TDRD12: variants seen among roughly 807,000 people sequenced by gnomAD.
TDRD12 encodes the protein putative ATP-dependent RNA helicase TDRD12.
A neutral mutation model predicts 133.5 loss-of-function variants in TDRD12; 158 were observed. That is an observed-to-expected ratio of 1.18 (90% CI 1.04 to 1.35). TDRD12 has a LOEUF of 1.35. Among genes scored for constraint, TDRD12 ranks in the 40% most tolerant of loss-of-function variants. TDRD12 has a pLI of 0.00. For missense variants in TDRD12, 1,443 were observed against 1,321.3 expected (o/e 1.09, Z -1.43); for synonymous variants, 460 against 477.9 (o/e 0.96, Z 0.49).
chr19:32,775,322 C>T (rs1208710947), intron 10 of TDRD12, among the ~76,000 whole-genome samples: 1 of 152,098 alleles, frequency 6.6e-6, no homozygotes, highest in East Asian at 1.9e-4. Context: ...TGTGAGTATT[C>T]TATTTATTAT....
At chr19:32,751,383 T>A (rs1330259214) in intron 6 of TDRD12, among the ~76,000 whole-genome samples, 1 of 152,190 alleles carries the variant, frequency 6.6e-6, no homozygotes, top group African/African-American at 2.4e-5. Context: ...TGCCAGGTTT[T>A]TCCTGTACAG....
Position 32,720,162 on chromosome 19 carries a change from ACAGCC to A in TDRD12, c.24+67_24+71del, listed in dbSNP as rs1968581196. ...TCCCCCACCCCCACCCCAGCCGCGC[ACAGCC>A]TCCCACCCCCACCCCAGCTCCGCAC... is the stretch of plus-strand genomic sequence containing the variant. On this transcript the variant is annotated intron_variant, in intron 1 of 27. Coordinates refer to ENST00000444215, the Ensembl canonical transcript of TDRD12. 1.1e-5 allele frequency: 13 copies of A among 1,189,974 alleles called. No individual in the cohort carries two copies. The East Asian group carries it at 3.9e-4, about 35-fold the overall frequency. The allele number at this position is 1,189,974 out of a possible 1,614,324, so 73.7% of individuals were successfully genotyped here. A position where few individuals can be genotyped will look rare whatever the true frequency, so the allele number is the denominator to read the frequency against.
chr19:32,829,083 C>T (rs1490164072), exon 10 of TDRD12: 1 of 152,310 alleles, frequency 6.6e-6, no homozygotes, highest in Non-Finnish European at 1.5e-5. Context: ...CTGTGGAGCT[C>T]TTCTAACACC....
intron 6 of TDRD12, among the ~76,000 whole-genome samples, chr19:32,751,224 T>C (rs1969817823): frequency 6.6e-6 from 1 of 151,442 alleles, no homozygotes; most frequent in Non-Finnish European, 1.5e-5. Flanking sequence ...AGTTCCTGCA[T>C]TAGTTTGCTG....
chr19:32,742,972 A>G (rs1969479026), intron 4 of TDRD12, 72 bp downstream of exon 4: 10 of 1,526,718 alleles, frequency 6.5e-6, no homozygotes, highest in Non-Finnish European at 7.9e-6. Context: ...CTTTGTATGA[A>G]GTCAGTTCCT....
At chr19:32,789,095 G>A (rs955069801) in intron 11 of TDRD12, among the ~76,000 whole-genome samples, 5 of 150,824 alleles carry the variant, frequency 3.3e-5, no homozygotes, top group African/African-American at 1.2e-4. Flanking sequence ...GTGGAGTAGT[G>A]TAAGGTGATG....
intron 18 of TDRD12, among the ~76,000 whole-genome samples, chr19:32,801,263 A>G (rs1971381444): frequency 6.6e-6 from 1 of 152,198 alleles, no homozygotes; most frequent in African/African-American, 2.4e-5. Context: ...AAGATATCAT[A>G]TAGCCAAAAA....
chr19:32,777,118 A>AAT, intron 10 of TDRD12, 31 bp from the exon 11 acceptor site: 2 of 1,458,184 alleles, frequency 1.4e-6, no homozygotes, highest in Non-Finnish European at 1.9e-6. Flanking sequence ...CTGTTCACAA[A>AAT]TTTTAATGAA....
chr19:32,756,952 G>T, intron 7 of TDRD12, 86 bp from the exon 8 acceptor site: 1 of 1,182,074 alleles, frequency 8.5e-7, no homozygotes, highest in Non-Finnish European at 1.2e-6. Context: ...GCAAAAGCAA[G>T]AGCAGAAGTA....
chr19:32,742,003 A>G (rs1016967358), intron 3 of TDRD12, among the ~76,000 whole-genome samples: 1 of 152,234 alleles, frequency 6.6e-6, no homozygotes, highest in Non-Finnish European at 1.5e-5. Context: ...AAAGTTGGCA[A>G]ATACTAATTA....
At chr19:32,777,810 T>A (rs1259606698) in intron 11 of TDRD12, among the ~76,000 whole-genome samples, 1 of 44,606 alleles carries the variant, frequency 2.2e-5, no homozygotes, top group African/African-American at 9.7e-5. Context: ...ATAACTGATT[T>A]ACATATATAT....
At chr19:32,743,035 C>T in intron 4 of TDRD12, 135 bp downstream of exon 4, 2 of 1,096,464 alleles carry the variant, frequency 1.8e-6, no homozygotes, top group Non-Finnish European at 1.3e-6. Flanking sequence ...GCTTCTGAGT[C>T]AGTGTTTGTC....
chr19:32,755,173 G>A (rs915015704), intron 6 of TDRD12, among the ~76,000 whole-genome samples: 14 of 152,228 alleles, frequency 9.2e-5, no homozygotes, highest in African/African-American at 3.4e-4. Context: ...ACTCGTTGAT[G>A]GATATTTGGG....
At chr19:32,779,809 G>A (rs1023649882) in intron 11 of TDRD12, among the ~76,000 whole-genome samples, 2 of 152,076 alleles carry the variant, frequency 1.3e-5, no homozygotes, top group African/African-American at 2.4e-5. Context: ...TATGTGCTGC[G>A]GGGAGTACTT....
chr19:32,798,932 AC>A (rs1256303498), intron 16 of TDRD12, among the ~76,000 whole-genome samples: 1 of 152,210 alleles, frequency 6.6e-6, no homozygotes, highest in Non-Finnish European at 1.5e-5. Context: ...TTCCTGTTCC[AC>A]AGCCTGGTGG....
At chr19:32,810,381 T>G in intron 23 of TDRD12, 104 bp downstream of exon 23, 2 of 942,790 alleles carry the variant, frequency 2.1e-6, no homozygotes, top group Middle Eastern at 2.7e-4. Context: ...AGTGTGTATG[T>G]GAGCCTGGTG....
intron 1 of TDRD12, among the ~76,000 whole-genome samples, chr19:32,721,166 G>A (rs1348898315): frequency 2.0e-5 from 3 of 152,128 alleles, no homozygotes; most frequent in East Asian, 3.9e-4. Flanking sequence ...CTCGGGGAAG[G>A]GACGCCCGCC....
At chr19:32,776,944 G>A (rs1455728504) in intron 10 of TDRD12, among the ~76,000 whole-genome samples, 3 of 151,836 alleles carry the variant, frequency 2.0e-5, no homozygotes, top group Non-Finnish European at 2.9e-5. Context: ...GCTGGAGTGC[G>A]GTGGCACAAT....
At chr19:32,826,463 A>C (rs1967593059) in exon 9 of TDRD12, 6 of 1,248,878 alleles carry the variant, frequency 4.8e-6, no homozygotes, top group Non-Finnish European at 5.0e-6. Context: ...TGGGAGACAA[A>C]TTTTACCTGG....
Sources: gnomAD v4.1 joint callset for allele counts (sites outside exome capture counted in the v4.1 genomes callset) on GRCh38, gnomAD v4.1.1 for gene constraint, MANE v1.5 for transcripts, NCBI Gene and HGNC (gene_info 2026-07-23, HGNC 2026-07-21) for gene names.